The following PRKACB variants were observed in gnomAD, a reference collection of about 807,000 sequenced individuals.
The protein encoded by PRKACB is cAMP-dependent protein kinase catalytic subunit beta.
In PRKACB, 16 loss-of-function variants were observed where a neutral mutation model predicts 51.4. The ratio of observed to expected loss-of-function variants is 0.31; its 90% CI spans 0.21 to 0.47. PRKACB has a LOEUF of 0.47. PRKACB is among the 20% of genes least tolerant of loss of function. PRKACB has a pLI of 1.00. For synonymous variants in PRKACB, 147 were observed against 154.4 expected (o/e 0.95, Z 0.35); for missense variants, 309 against 464.5 (o/e 0.67, Z 3.08).
intron 1 of PRKACB, among the ~76,000 whole-genome samples, chr1:84,109,293 A>T (rs1366200745): frequency 3.9e-5 from 6 of 151,944 alleles, no homozygotes; most frequent in African/African-American, 1.4e-4. Flanking sequence ...TTTAGTAGAT[A>T]CTGTCAAATA....
Position 84,107,337 on chromosome 1 carries a change from A to C in PRKACB, c.46+28966A>C, listed in dbSNP as rs79687920. ...TTATACCATATGCAAAAATCAACCC[A>C]AAATGAATTAAAGACCTAAATGGAG... is the stretch of plus-strand genomic sequence containing the variant. On this transcript the variant is annotated intron_variant, in intron 1 of 8. Transcript: ENST00000370688. Among the ~76,000 whole-genome samples the C allele has an allele frequency of 3.8e-3, 573 of 152,248 alleles. 3 individuals are homozygous for C. Among genetic ancestry groups the C allele is most frequent in the African/African-American group, 0.012 (513 of 41,550 alleles).
chr1:84,188,483 T>A (rs942977761), intron 5 of PRKACB, among the ~76,000 whole-genome samples: 83 of 152,062 alleles, frequency 5.5e-4, no homozygotes, highest in African/African-American at 1.9e-3. Flanking sequence ...AAATCTAGAA[T>A]AGCCATGGGT....
chr1:84,192,157 G>A (rs1006947448), intron 5 of PRKACB, among the ~76,000 whole-genome samples: 1 of 151,868 alleles, frequency 6.6e-6, no homozygotes, highest in Non-Finnish European at 1.5e-5. Flanking sequence ...TAACAAAATG[G>A]GATGAGGCTA....
chr1:84,095,376 T>C (rs1054570643), intron 1 of PRKACB, among the ~76,000 whole-genome samples: 1 of 151,934 alleles, frequency 6.6e-6, no homozygotes, highest in East Asian at 1.9e-4. Context: ...GATTTGTGTA[T>C]TTTTTACCTT....
Position 84,214,305 on chromosome 1 carries a change from T to A in PRKACB, c.1059T>A (p.Ile353=). Residue 353 remains isoleucine, a synonymous_variant, in exon 9 of 10, where the codon ATT becomes ATA. Transcript: ENST00000370685. ...TTGCCACGACAGATTGGATTGCTAT[T>A]TACCAGAGGAAGGTGAGACTTTCTT... ...KWFATTDWIA[I]YQRKVEAPFI... The A allele has an allele frequency of 6.3e-7, 1 of 1,591,310 alleles. No individual in the cohort carries two copies. The highest frequency in any genetic ancestry group is 8.5e-7 in the Non-Finnish European group (1 of 1,171,338).
chr1:84,131,713 T>C (rs11163907), intron 1 of PRKACB, among the ~76,000 whole-genome samples: 75,052 of 152,048 alleles, frequency 0.49, 19,012 homozygotes, highest in Non-Finnish European at 0.56. Flanking sequence ...ATCTGCTTAC[T>C]TAGAGCCAAA....
chr1:84,160,097 C>T (rs1655998378), intron 1 of PRKACB, among the ~76,000 whole-genome samples: 1 of 152,032 alleles, frequency 6.6e-6, no homozygotes, highest in Non-Finnish European at 1.5e-5. Context: ...GGGAAGTGTT[C>T]CTGCCACTTC....
At chr1:84,148,795 A>T (rs930716670) in intron 1 of PRKACB, among the ~76,000 whole-genome samples, 7 of 152,254 alleles carry the variant, frequency 4.6e-5, no homozygotes, top group African/African-American at 1.7e-4. Flanking sequence ...TGATGTTGAA[A>T]TCAGGAAATC....
chr1:84,168,398 C>A (rs116547985), intron 1 of PRKACB, among the ~76,000 whole-genome samples: 1,891 of 151,600 alleles, frequency 0.012, 50 homozygotes, highest in African/African-American at 0.044. Flanking sequence ...AGTTCATGTG[C>A]TTTTTGATGT....
intron 1 of PRKACB, among the ~76,000 whole-genome samples, chr1:84,092,228 T>A (rs1375484788): frequency 6.6e-6 from 1 of 152,218 alleles, no homozygotes; most frequent in Non-Finnish European, 1.5e-5. Flanking sequence ...GAAACTTCCC[T>A]CCTGCCTGTA....
chr1:84,086,575 TC>T (rs1648013143), intron 1 of PRKACB, among the ~76,000 whole-genome samples: 1 of 152,228 alleles, frequency 6.6e-6, no homozygotes, highest in African/African-American at 2.4e-5. Context: ...CGTGCCTGGC[TC>T]TTCTGCCACC....
chr1:84,199,333 C>T (rs1669376605), intron 7 of PRKACB, among the ~76,000 whole-genome samples: 1 of 151,908 alleles, frequency 6.6e-6, no homozygotes, highest in Non-Finnish European at 1.5e-5. Context: ...AATCCAGTAT[C>T]TGTTTTTTCC....
intron 1 of PRKACB, among the ~76,000 whole-genome samples, chr1:84,087,316 A>G (rs750959891): frequency 3.5e-4 from 53 of 152,366 alleles, no homozygotes; most frequent in Admixed American, 6.5e-4. Context: ...AAAATCTGGG[A>G]TTGCTCACCT....
intron 7 of PRKACB, among the ~76,000 whole-genome samples, chr1:84,199,096 T>TATATAC (rs1669224596): frequency 7.3e-6 from 1 of 136,812 alleles, no homozygotes; most frequent in East Asian, 2.0e-4. Context: ...TGCGTATATA[T>TATATAC]GCATATATGT....
At chr1:84,120,175 C>T (rs2100880550) in intron 1 of PRKACB, among the ~76,000 whole-genome samples, 1 of 152,194 alleles carries the variant, frequency 6.6e-6, no homozygotes, top group East Asian at 1.9e-4. Context: ...CTTCTAAATT[C>T]ATATTTCTTG....
chr1:84,113,219 A>G lies in PRKACB; in HGVS notation c.46+34848A>G, dbSNP rs1369448822. ...AGTATCACATATGACAAGCATGTCAAATGTAAATTGGGATAGCCATTCCTG... is the reference window on the plus strand; with the variant it reads ...AGTATCACATATGACAAGCATGTCAGATGTAAATTGGGATAGCCATTCCTG... On this transcript the variant is annotated intron_variant, in intron 1 of 8. Transcript: ENST00000370688. Among the ~76,000 whole-genome samples the G allele has an allele frequency of 5.8e-4, 88 of 152,198 alleles. 1 individual carries two copies. The highest frequency in any genetic ancestry group is 5.8e-3 in the Admixed American group (88 of 15,276).
intron 9 of PRKACB, among the ~76,000 whole-genome samples, chr1:84,230,646 A>C (rs1053992034): frequency 1.3e-5 from 2 of 151,092 alleles, no homozygotes; most frequent in African/African-American, 4.9e-5. Flanking sequence ...GAGGTCCTTC[A>C]CATCCCTTGT....
At chr1:84,164,411 A>G (rs1656734619) in intron 1 of PRKACB, 4 of 1,575,506 alleles carry the variant, frequency 2.5e-6, no homozygotes, top group Non-Finnish European at 3.5e-6. Context: ...GCCAGGTTCA[A>G]CATGGGATTG....
intron 1 of PRKACB, among the ~76,000 whole-genome samples, chr1:84,105,528 A>T (rs535008332): frequency 6.6e-6 from 1 of 151,714 alleles, no homozygotes; most frequent in Non-Finnish European, 1.5e-5. Context: ...GCATTTACAG[A>T]TAACCACTGT....
Sources: gnomAD v4.1 joint callset for allele counts (sites outside exome capture counted in the v4.1 genomes callset) on GRCh38, gnomAD v4.1.1 for gene constraint, MANE v1.5 for transcripts, NCBI Gene and HGNC (gene_info 2026-07-23, HGNC 2026-07-21) for gene names.